Variants in HTN3 observed in about 807,000 individuals in gnomAD.
HTN3 encodes histatin-3.
A neutral mutation model predicts 10.6 loss-of-function variants in HTN3; 15 were observed. That is an observed-to-expected ratio of 1.42 (90% CI 0.95 to 2.18). HTN3 has a LOEUF of 2.18. Among genes scored for constraint, HTN3 ranks in the 30% most tolerant of loss-of-function variants. The pLI is 0.00. For missense variants in HTN3, 68 were observed against 58.0 expected (o/e 1.17, Z -0.56); for synonymous variants, 15 against 16.9 (o/e 0.89, Z 0.27).
rs566261963 is a variant in HTN3 at position 70,030,621 on chromosome 4, A to T, written c.-13-107A>T. 4 of 795,816 alleles carry T rather than the reference A, an allele frequency of 5.0e-6. No individual in the cohort carries two copies. In the South Asian group the frequency reaches 6.1e-5, roughly 12 times the overall value. The allele number at this position is 795,816 out of a possible 1,614,324, so 49.3% of individuals were successfully genotyped here. A position where few individuals can be genotyped will look rare whatever the true frequency, so the allele number is the denominator to read the frequency against. ...ATGCCCCTGCACTCCAGCCTGGAAA[A>T]CAGAGCATGTCTCCCAATGCTTTGA... On this transcript the variant is annotated intron_variant, in intron 1 of 5. Coordinates refer to ENST00000673563, the MANE Select transcript of HTN3 (RefSeq NM_000200.3).
intron 1 of HTN3, 133 bp from the exon 2 acceptor site, chr4:70,030,595 C>T: frequency 3.0e-6 from 2 of 665,424 alleles, no homozygotes; most frequent in East Asian, 2.8e-5. Flanking sequence ...GATCTGTGCT[C>T]ATGCCCCTGC....
chr4:70,032,356 A>G (rs551658548), intron 4 of HTN3, among the ~76,000 whole-genome samples: 46 of 152,182 alleles, frequency 3.0e-4, no homozygotes, highest in African/African-American at 1.0e-3. Context: ...GAGCTTAAGT[A>G]TCTTTCTCTT....
rs1725399308 is a variant in HTN3 at position 70,032,259 on chromosome 4, A to G, written c.102+152A>G. The stretch of plus-strand genomic sequence containing the variant: ...TTCATTTATTCTTGTTACAGAGGTA[A>G]AAGGTCACAAAAATCTTGTGTTCTA... On this transcript the variant is annotated intron_variant, in intron 4 of 5. Transcript: ENST00000673563. 6.3e-6 allele frequency: 4 copies of G among 639,128 alleles called. No individual in the cohort carries two copies. The South Asian group carries it at 8.1e-5, about 13-fold the overall frequency. The allele number at this position is 639,128 out of a possible 1,614,324, so 39.6% of individuals were successfully genotyped here. A position where few individuals can be genotyped will look rare whatever the true frequency, so the allele number is the denominator to read the frequency against.
At chr4:70,034,840 C>T (rs992271599) in intron 5 of HTN3, among the ~76,000 whole-genome samples, 16 of 152,120 alleles carry the variant, frequency 1.1e-4, no homozygotes, top group Non-Finnish European at 1.5e-4. Context: ...AAATGTGGTA[C>T]GTATACACCA....
chr4:70,032,936 T>C (rs1195630833), intron 4 of HTN3, among the ~76,000 whole-genome samples: 4 of 152,144 alleles, frequency 2.6e-5, no homozygotes, highest in African/African-American at 9.6e-5. Flanking sequence ...CATTTATTAT[T>C]GCCACAAAAA....
At chr4:70,028,759 G>A (rs1725301565) in intron 1 of HTN3, among the ~76,000 whole-genome samples, 1 of 151,972 alleles carries the variant, frequency 6.6e-6, no homozygotes, top group Non-Finnish European at 1.5e-5. Flanking sequence ...CGCTGATGGT[G>A]GGACCTCAAT....
intron 5 of HTN3, among the ~76,000 whole-genome samples, chr4:70,035,952 T>C (rs1319408092): frequency 2.0e-5 from 3 of 152,128 alleles, no homozygotes; most frequent in African/African-American, 4.8e-5. Context: ...ATAGGTAAAA[T>C]ATTATTTGAG....
chr4:70,032,924 A>G (rs1280066658), intron 4 of HTN3, among the ~76,000 whole-genome samples: 1 of 152,162 alleles, frequency 6.6e-6, no homozygotes, highest in Non-Finnish European at 1.5e-5. Flanking sequence ...TCAGTGTTCC[A>G]ACATTTATTA....
intron 1 of HTN3, among the ~76,000 whole-genome samples, chr4:70,030,118 C>T (rs1725346155): frequency 6.6e-6 from 1 of 150,892 alleles, no homozygotes; most frequent in Non-Finnish European, 1.5e-5. Context: ...GTCCTCCCTA[C>T]ATGCTAAACT....
chr4:70,030,676 A>C, intron 1 of HTN3, 52 bp from the exon 2 acceptor site: 1 of 1,193,432 alleles, frequency 8.4e-7, no homozygotes, highest in South Asian at 1.2e-5. Context: ...AAGTTTGATG[A>C]ATGAATGCAT....
chr4:70,033,389 GTGT>G, intron 5 of HTN3, 136 bp downstream of exon 5: 1 of 546,992 alleles, frequency 1.8e-6, no homozygotes, highest in Non-Finnish European at 3.2e-6. Flanking sequence ...TCTTTGAAGT[GTGT>G]TGATTTATAT....
chr4:70,035,458 A>C (rs1387821871), intron 5 of HTN3, among the ~76,000 whole-genome samples: 1 of 152,210 alleles, frequency 6.6e-6, no homozygotes, highest in East Asian at 1.9e-4. Context: ...CTGCCACTAA[A>C]TCTGTACCTG....
chr4:70,033,750 TG>T (rs1725442536), intron 5 of HTN3, among the ~76,000 whole-genome samples: 1 of 152,232 alleles, frequency 6.6e-6, no homozygotes. Flanking sequence ...GAGAATGGAA[TG>T]TTTTTCCATT....
Position 70,032,019 on chromosome 4 carries a change from T to G in HTN3, c.72+20T>G. ...GCAAAGGTAAGACATTTTCATTTAC[T>G]GGAAAACTTGATAATTAATCATATA... On this transcript the variant is annotated intron_variant, in intron 3 of 5. Coordinates refer to ENST00000673563, the MANE Select transcript of HTN3 (RefSeq NM_000200.3). 1 of 1,564,924 alleles carries G rather than the reference T, an allele frequency of 6.4e-7. No homozygotes were observed. Among genetic ancestry groups the G allele is most frequent in the South Asian group, 1.1e-5 (1 of 87,470 alleles).
intron 5 of HTN3, among the ~76,000 whole-genome samples, chr4:70,035,159 T>A (rs1469628238): frequency 4.6e-5 from 7 of 152,062 alleles, no homozygotes; most frequent in African/African-American, 1.7e-4. Flanking sequence ...TGAACTTAAA[T>A]TAAAATAAAT....
intron 1 of HTN3, among the ~76,000 whole-genome samples, chr4:70,029,771 T>A (rs1179818877): frequency 7.2e-6 from 1 of 139,508 alleles, no homozygotes; most frequent in Non-Finnish European, 1.5e-5. Context: ...GAGTCCCAGA[T>A]GAGGCTTTGA....
At chr4:70,034,938 T>C (rs1413948806) in intron 5 of HTN3, among the ~76,000 whole-genome samples, 1 of 152,020 alleles carries the variant, frequency 6.6e-6, no homozygotes, top group Non-Finnish European at 1.5e-5. Context: ...CTCAGAAAAC[T>C]AAAACAGGAA....
Position 70,032,007 on chromosome 4 carries a change from A to G in HTN3, c.72+8A>G. On this transcript the variant is annotated splice_region_variant and intron_variant, in intron 3 of 5. Coordinates refer to ENST00000673563, the MANE Select transcript of HTN3 (RefSeq NM_000200.3). Reference sequence around the variant, plus strand: ...GCTGATTCACATGCAAAGGTAAGACATTTTCATTTACTGGAAAACTTGATA... The same window carrying G: ...GCTGATTCACATGCAAAGGTAAGACGTTTTCATTTACTGGAAAACTTGATA... 1.9e-6 allele frequency: 3 copies of G among 1,566,406 alleles called. No individual in the cohort carries two copies. The highest frequency in any genetic ancestry group is 1.1e-5 in the South Asian group (1 of 87,418).
intron 4 of HTN3, among the ~76,000 whole-genome samples, 158 bp downstream of exon 4, chr4:70,032,265 C>T (rs1217736381): frequency 6.6e-6 from 1 of 152,060 alleles, no homozygotes; most frequent in East Asian, 1.9e-4. Flanking sequence ...GGTAAAAGGT[C>T]ACAAAAATCT....
Sources: gnomAD v4.1 joint callset for allele counts (sites outside exome capture counted in the v4.1 genomes callset) on GRCh38, gnomAD v4.1.1 for gene constraint, MANE v1.5 for transcripts, NCBI Gene and HGNC (gene_info 2026-07-23, HGNC 2026-07-21) for gene names.